Variants in PARD3B observed in about 807,000 individuals in gnomAD.
The protein encoded by PARD3B is par-3 family cell polarity regulator beta.
A neutral mutation model predicts 130.2 loss-of-function variants in PARD3B; 103 were observed. The observed-to-expected ratio is 0.79, with a 90% CI of 0.67 to 0.93. PARD3B has a LOEUF of 0.93. Ranked by LOEUF, PARD3B falls within the 40% of genes least tolerant of loss-of-function variation. The probability of loss-of-function intolerance (pLI) is 0.00; values close to 1 mark genes in which losing one functional copy is unlikely to be tolerated. For missense variants in PARD3B, 1,609 were observed against 1,499.2 expected, an observed-to-expected ratio of 1.07 and a Z score of -1.21; for synonymous variants, 583 against 553.2, an observed-to-expected ratio of 1.05 and a Z score of -0.76.
chr2:205,278,359 C>T (rs2041034903), intron 16 of PARD3B, among the ~76,000 whole-genome samples: 2 of 152,098 alleles, frequency 1.3e-5, no homozygotes, highest in South Asian at 4.1e-4. Flanking sequence ...AATAGATTTT[C>T]AAGATTTCGG....
chr2:205,284,379 G>T (rs930576232), intron 16 of PARD3B, among the ~76,000 whole-genome samples: 24 of 152,112 alleles, frequency 1.6e-4, no homozygotes, highest in African/African-American at 5.8e-4. Context: ...TGGAATATTT[G>T]TTAGAATAGA....
intron 20 of PARD3B, among the ~76,000 whole-genome samples, chr2:205,488,224 C>T (rs1487821128): frequency 6.6e-6 from 1 of 151,772 alleles, no homozygotes; most frequent in Admixed American, 6.6e-5. Context: ...TTTTTGGCAC[C>T]AGGGACTGGT....
intron 2 of PARD3B, among the ~76,000 whole-genome samples, chr2:204,916,653 T>A (rs528695258): frequency 4.1e-4 from 62 of 152,268 alleles, no homozygotes; most frequent in African/African-American, 1.1e-3. Flanking sequence ...AGTTTTTTTT[T>A]ATGATAAAAA....
At chr2:205,479,955 T>C (rs976272509) in intron 20 of PARD3B, among the ~76,000 whole-genome samples, 6 of 145,690 alleles carry the variant, frequency 4.1e-5, no homozygotes, top group African/African-American at 1.5e-4. Context: ...CAGCCTGGAG[T>C]GCACTGGTGC....
At chr2:204,738,128 A>C (rs1401156705) in intron 2 of PARD3B, among the ~76,000 whole-genome samples, 1 of 151,696 alleles carries the variant, frequency 6.6e-6, no homozygotes, top group African/African-American at 2.4e-5. Flanking sequence ...TGGTATTTTG[A>C]TGGAAATTGC....
At chr2:205,354,927 A>G (rs533973998) in intron 18 of PARD3B, among the ~76,000 whole-genome samples, 17 of 152,328 alleles carry the variant, frequency 1.1e-4, no homozygotes, top group Admixed American at 2.0e-4. Context: ...AATTAAGAAC[A>G]TGGTTAAGAA....
chr2:205,139,715 T>C (rs1437593621), intron 10 of PARD3B, among the ~76,000 whole-genome samples: 1 of 152,066 alleles, frequency 6.6e-6, no homozygotes, highest in East Asian at 1.9e-4. Flanking sequence ...TTCAGCTGTA[T>C]AACTGAGTAT....
chr2:205,522,905 A>G (rs1428007052), intron 21 of PARD3B, among the ~76,000 whole-genome samples: 2 of 152,152 alleles, frequency 1.3e-5, no homozygotes, highest in Admixed American at 6.5e-5. Flanking sequence ...CTTATTAATT[A>G]TATTGTTTTT....
chr2:205,398,142 T>A (rs1368514849), intron 18 of PARD3B, among the ~76,000 whole-genome samples: 1 of 151,838 alleles, frequency 6.6e-6, no homozygotes, highest in African/African-American at 2.4e-5. Context: ...CTACTAAAAA[T>A]ACAAAAAAAT....
chr2:205,238,001 A>G (rs1574473549), intron 15 of PARD3B, among the ~76,000 whole-genome samples: 1 of 152,136 alleles, frequency 6.6e-6, no homozygotes, highest in East Asian at 1.9e-4. Flanking sequence ...TCCTATAATT[A>G]TATATATCTC....
intron 2 of PARD3B, among the ~76,000 whole-genome samples, chr2:204,706,762 A>G (rs1268111177): frequency 6.6e-6 from 1 of 152,176 alleles, no homozygotes; most frequent in Non-Finnish European, 1.5e-5. Flanking sequence ...TTAGGTAAGT[A>G]GTAGATGCAT....
rs116638169 is a variant in PARD3B at position 205,074,484 on chromosome 2, G to A, written c.504+26794G>A. 6.3e-3 allele frequency among the ~76,000 whole-genome samples: 963 copies of A among 152,240 alleles called. 7 individuals are homozygous for A. Among genetic ancestry groups the A allele is most frequent in the African/African-American group, 0.021 (887 of 41,546 alleles). On this transcript the variant is annotated intron_variant, in intron 4 of 22. Transcript: ENST00000406610. ...AACTATCGTATGTCATCTATTGCCT[G>A]TTGCATTCAGAATGAACAACAACTT...
chr2:204,939,608 A>G (rs1688744256), intron 2 of PARD3B, among the ~76,000 whole-genome samples: 1 of 152,186 alleles, frequency 6.6e-6, no homozygotes, highest in African/African-American at 2.4e-5. Flanking sequence ...TTCAGGAATC[A>G]ATATTTTTTA....
chr2:204,771,027 T>C lies in PARD3B; in HGVS notation c.222+84745T>C, dbSNP rs1559131323. Reference sequence around the variant, plus strand: ...AATGATATAAATTAGGCTTATTGTTTAGCAAATCGCTGGTGTTAGGTAAGA... The same window carrying C: ...AATGATATAAATTAGGCTTATTGTTCAGCAAATCGCTGGTGTTAGGTAAGA... On this transcript the variant is annotated intron_variant, in intron 2 of 22. Coordinates refer to ENST00000406610, the MANE Select transcript of PARD3B (RefSeq NM_001302769.2). Among the ~76,000 whole-genome samples, 3 of 152,212 alleles carry C rather than the reference T, an allele frequency of 2.0e-5. No homozygotes were observed. The East Asian group carries it at 5.8e-4, about 29-fold the overall frequency.
At chr2:205,605,389 G>A (rs1302611004) in intron 22 of PARD3B, among the ~76,000 whole-genome samples, 4 of 152,152 alleles carry the variant, frequency 2.6e-5, no homozygotes, top group Non-Finnish European at 5.9e-5. Context: ...GCCTTTGGAT[G>A]GGGTTTTTAT....
At chr2:205,217,892 A>ATT (rs1409391243) in intron 15 of PARD3B, among the ~76,000 whole-genome samples, 15 of 28,058 alleles carry the variant, frequency 5.3e-4, no homozygotes, top group African/African-American at 1.8e-3. Flanking sequence ...ATATATATAT[A>ATT]TATTTTTTTT....
At chr2:204,816,642 T>A (rs2043157676) in intron 2 of PARD3B, among the ~76,000 whole-genome samples, 1 of 151,998 alleles carries the variant, frequency 6.6e-6, no homozygotes, top group East Asian at 1.9e-4. Context: ...TGCAAAAAAA[T>A]GTCTGTTTTT....
Position 205,301,859 on chromosome 2 carries a change from A to C in PARD3B, c.2630+158A>C, listed in dbSNP as rs1319904132. The C allele has an allele frequency of 2.5e-6, 3 of 1,194,568 alleles. No individual in the cohort carries two copies. The South Asian group carries it at 3.7e-5, about 15-fold the overall frequency. 74.0% of individuals were successfully genotyped at this position (1,194,568 alleles called of 1,614,324 possible). A position where few individuals can be genotyped will look rare whatever the true frequency, so the allele number is the denominator to read the frequency against. On this transcript the variant is annotated intron_variant, in intron 18 of 22. Transcript: ENST00000406610. The surrounding 1 kb of genome is among the most constrained non-coding windows in gnomAD (Gnocchi z 5.2). ...GTGCTCGTTCTCTTTCTGCAGAGGC[A>C]GAGGAGCTTTTTGGGGAAAGTTACA...
At chr2:204,580,335 G>A (rs952585041) in intron 1 of PARD3B, among the ~76,000 whole-genome samples, 34 of 152,016 alleles carry the variant, frequency 2.2e-4, no homozygotes, top group African/African-American at 8.2e-4. Flanking sequence ...TCCAGAGTGA[G>A]TCTCCTGGGA....
Sources: gnomAD v4.1 joint callset for allele counts (sites outside exome capture counted in the v4.1 genomes callset) on GRCh38, gnomAD v4.1.1 for gene constraint, Gnocchi (gnomAD v3.1) non-coding constraint, MANE v1.5 for transcripts, NCBI Gene and HGNC (gene_info 2026-07-23, HGNC 2026-07-21) for gene names.